EMC3: variants seen among roughly 807,000 people sequenced by gnomAD.
EMC3 encodes 30 kDa protein.
EMC3 carries 13 observed loss-of-function variants against 36.6 expected under a neutral mutation model. That is an observed-to-expected ratio of 0.35 (90% CI 0.23 to 0.56). The LOEUF (loss-of-function observed/expected upper bound fraction) is 0.56, where lower values mean the gene tolerates loss of function less well. Ranked by LOEUF, EMC3 falls within the 20% of genes least tolerant of loss-of-function variation. EMC3 has a pLI of 0.84. For missense variants in EMC3, 220 were observed against 324.5 expected, an observed-to-expected ratio of 0.68 and a Z score of 2.47; for synonymous variants, 120 against 111.9, an observed-to-expected ratio of 1.07 and a Z score of -0.46.
Position 9,986,732 on chromosome 3 carries a change from C to G in EMC3, c.-71G>C. 6.3e-7 allele frequency: 1 copy of G among 1,588,844 alleles called. No homozygotes were observed. The highest frequency in any genetic ancestry group is 8.6e-7 in the Non-Finnish European group (1 of 1,167,248). On this transcript the variant is annotated 5_prime_UTR_variant, in exon 1 of 8. Transcript: ENST00000245046. ...TCTCCGGGGCACAGTTGCTTCTCTT[C>G]GGCTTCGCCTCCGGGCCTTCTCAAG... is the stretch of plus-strand genomic sequence containing the variant.
chr3:9,968,216 G>T (rs144879051), intron 7 of EMC3, among the ~76,000 whole-genome samples: 4 of 152,096 alleles, frequency 2.6e-5, no homozygotes, highest in African/African-American at 9.7e-5. Context: ...CACCATGCCC[G>T]GCCACGGCCA....
intron 6 of EMC3, among the ~76,000 whole-genome samples, chr3:9,970,147 A>C (rs1053592209): frequency 6.6e-6 from 1 of 152,244 alleles, no homozygotes; most frequent in African/African-American, 2.4e-5. Context: ...TAACTAATAA[A>C]GTCCTTATTT....
At chr3:10,000,195 C>T (rs1272872902) in intron 1 of EMC3, among the ~76,000 whole-genome samples, 4 of 152,154 alleles carry the variant, frequency 2.6e-5, no homozygotes, top group African/African-American at 9.6e-5. Context: ...CCCACCACCA[C>T]GCCTGGCTAA....
intron 1 of EMC3, among the ~76,000 whole-genome samples, chr3:9,985,542 G>A (rs550340911): frequency 2.6e-5 from 4 of 152,074 alleles, no homozygotes; most frequent in African/African-American, 4.8e-5. Context: ...TTAATATGAG[G>A]GGCTACATGT....
chr3:9,996,938 C>T (rs1228296472), intron 1 of EMC3, among the ~76,000 whole-genome samples: 6 of 152,072 alleles, frequency 3.9e-5, no homozygotes, highest in Non-Finnish European at 7.4e-5. Context: ...TTTGATATAA[C>T]GTAAAATATA....
intron 1 of EMC3, among the ~76,000 whole-genome samples, chr3:10,001,999 G>GA (rs1166021930): frequency 1.3e-5 from 2 of 151,984 alleles, no homozygotes; most frequent in Non-Finnish European, 2.9e-5. Context: ...ACTCCATCTT[G>GA]AAAAAATACA....
chr3:9,990,818 TTTTA>T (rs145054630), upstream of EMC3, among the ~76,000 whole-genome samples: 25,345 of 141,852 alleles, frequency 0.18, 2,230 homozygotes, highest in South Asian at 0.25. Flanking sequence ...TGGCCAATTC[TTTTA>T]TTTATTTATT....
chr3:9,989,813 A>C (rs560234606), upstream of EMC3, among the ~76,000 whole-genome samples: 1 of 152,002 alleles, frequency 6.6e-6, no homozygotes, highest in Admixed American at 6.6e-5. Flanking sequence ...TTTCTTCTCC[A>C]TGTGCTTCTG....
chr3:9,994,311 A>T, intron 1 of EMC3: 1 of 958,552 alleles, frequency 1.0e-6, no homozygotes, highest in Non-Finnish European at 1.6e-6. Context: ...TTTTTGACAC[A>T]TACTGCCAGC....
Position 9,986,711 on chromosome 3 carries a change from C to G in EMC3, c.-50G>C. The G allele has an allele frequency of 1.2e-6, 2 of 1,606,680 alleles. No homozygotes were observed. The highest frequency in any genetic ancestry group is 4.5e-5 in the East Asian group (2 of 44,782). On this transcript the variant is annotated 5_prime_UTR_variant, in exon 1 of 8. Coordinates refer to ENST00000245046, the MANE Select transcript of EMC3 (RefSeq NM_001394674.1). ...CTGGAATGGGCGAGCTTCTCTTCTCCGGGGCACAGTTGCTTCTCTTCGGCT... is the reference window on the plus strand; with the variant it reads ...CTGGAATGGGCGAGCTTCTCTTCTCGGGGGCACAGTTGCTTCTCTTCGGCT...
chr3:10,010,116 C>G (rs989362075), intron 1 of EMC3: 1 of 152,840 alleles, frequency 6.5e-6, no homozygotes, highest in African/African-American at 2.4e-5. Flanking sequence ...GGACACCCCA[C>G]TGGGCACTGC....
Position 9,964,098 on chromosome 3 carries a change from T to C in EMC3, c.757A>G (p.Lys253Glu). 6.2e-7 allele frequency: 1 copy of C among 1,614,214 alleles called. No individual in the cohort carries two copies. The highest frequency in any genetic ancestry group is 1.1e-5 in the South Asian group (1 of 91,090). Reference protein sequence around the residue: ...AKDLHFEGMFKKELQTSIF With the variant: ...AKDLHFEGMFEKELQTSIF ...AAAATAGAGGTCTGTAATTCCTTTTTGAACATGCCTTCGAAGTGGAGGTCT... is the reference window on the plus strand; with the variant it reads ...AAAATAGAGGTCTGTAATTCCTTTTCGAACATGCCTTCGAAGTGGAGGTCT... The change falls in exon 8 of 8, where the codon AAA becomes GAA. Residue 253 changes from lysine to glutamate, a missense_variant. Transcript: ENST00000245046.
At chr3:10,000,062 G>T (rs2086178710) in intron 1 of EMC3, among the ~76,000 whole-genome samples, 1 of 151,888 alleles carries the variant, frequency 6.6e-6, no homozygotes, top group African/African-American at 2.4e-5. Context: ...TTTTGAGATG[G>T]AGTCTTGCTT....
chr3:9,986,582 A>G lies in EMC3; in HGVS notation c.80T>C (p.Val27Ala). ...VLPIVIITFF[V>A]GMIRHYVSIL... Reference sequence around the variant, plus strand: ...GGACACGTAGTGGCGGATCATGCCTACGAAGAAAGTGATGATAACGATGGG... The same window carrying G: ...GGACACGTAGTGGCGGATCATGCCTGCGAAGAAAGTGATGATAACGATGGG... The change falls in exon 1 of 8, where the codon GTA (valine) becomes GCA (alanine). Residue 27 changes from valine (V) to alanine (A), a missense_variant. This residue lies in a region of EMC3 where 127 missense variants were observed against 174.6 expected (regional missense o/e 0.73). Transcript: ENST00000245046. 6.2e-7 allele frequency: 1 copy of G among 1,614,146 alleles called. No individual in the cohort carries two copies.
At chr3:10,008,430 C>G in intron 1 of EMC3, 1 of 1,367,726 alleles carries the variant, frequency 7.3e-7, no homozygotes, top group African/African-American at 1.5e-5. Context: ...GCCGGGCAAC[C>G]TTGGCTTGTT....
chr3:9,980,127 C>T (rs917388971), intron 1 of EMC3, among the ~76,000 whole-genome samples: 1 of 151,878 alleles, frequency 6.6e-6, no homozygotes, highest in Non-Finnish European at 1.5e-5. Flanking sequence ...AATTCTCCCG[C>T]CTCAGCCTTC....
intron 7 of EMC3, among the ~76,000 whole-genome samples, chr3:9,966,183 T>A (rs183571867): frequency 6.6e-6 from 1 of 152,268 alleles, no homozygotes; most frequent in East Asian, 1.9e-4. Flanking sequence ...GATCTTTTTT[T>A]TTATTAATTA....
At chr3:9,987,268 A>C, upstream of EMC3, 1 of 981,094 alleles carries the variant, frequency 1.0e-6, no homozygotes, top group Non-Finnish European at 1.2e-6. Context: ...CTTCTCGGTG[A>C]GTAAATGGAG....
chr3:10,001,405 C>CAAAAAAAAA (rs60785369), intron 1 of EMC3, among the ~76,000 whole-genome samples: 96 of 78,688 alleles, frequency 1.2e-3, no homozygotes, highest in Middle Eastern at 8.2e-3. Flanking sequence ...GCTAAAAATA[C>CAAAAAAAAA]AAAAAAAAAA....
Sources: gnomAD v4.1 joint callset for allele counts (sites outside exome capture counted in the v4.1 genomes callset) on GRCh38, gnomAD v4.1.1 for gene constraint, gnomAD v4.1.1 regional missense constraint, MANE v1.5 for transcripts, NCBI Gene and HGNC (gene_info 2026-07-23, HGNC 2026-07-21) for gene names.